Variants in ADCY2 observed in about 807,000 individuals in gnomAD.
The protein encoded by ADCY2 is adenylate cyclase type 2.
A neutral mutation model predicts 125.2 loss-of-function variants in ADCY2; 31 were observed. The ratio of observed to expected loss-of-function variants is 0.25; its 90% confidence interval spans 0.19 to 0.33. The LOEUF (loss-of-function observed/expected upper bound fraction) is 0.33, where lower values mean the gene tolerates loss of function less well. ADCY2 is among the 10% of genes least tolerant of loss of function. The pLI is 1.00. For missense variants in ADCY2, 904 were observed against 1,418.2 expected (o/e 0.64, Z 5.82); for synonymous variants, 512 against 548.4 (o/e 0.93, Z 0.93).
intron 13 of ADCY2, among the ~76,000 whole-genome samples, chr5:7,725,684 A>G (rs1741908863): frequency 6.6e-6 from 1 of 152,200 alleles, no homozygotes. Context: ...TTAATACCAC[A>G]AAGAAATTCC....
At chr5:7,779,378 A>C (rs977547028) in intron 18 of ADCY2, among the ~76,000 whole-genome samples, 5 of 152,216 alleles carry the variant, frequency 3.3e-5, no homozygotes, top group Non-Finnish European at 7.3e-5. Context: ...CATAGACTCC[A>C]TAGAATGTGC....
chr5:7,722,193 C>T (rs1437203944), intron 12 of ADCY2, among the ~76,000 whole-genome samples: 2 of 152,146 alleles, frequency 1.3e-5, no homozygotes, highest in Admixed American at 6.5e-5. Flanking sequence ...CACGAAGCAC[C>T]ACATGGGTTC....
At chr5:7,502,089 G>C (rs1743614857) in intron 2 of ADCY2, among the ~76,000 whole-genome samples, 1 of 152,094 alleles carries the variant, frequency 6.6e-6, no homozygotes, top group African/African-American at 2.4e-5. Flanking sequence ...CCACTCTCTG[G>C]TCCTGATGTG....
intron 2 of ADCY2, among the ~76,000 whole-genome samples, chr5:7,433,432 A>G (rs1054482722): frequency 3.3e-5 from 5 of 151,134 alleles, no homozygotes; most frequent in Admixed American, 2.0e-4. Flanking sequence ...GTGTGTGTGC[A>G]CACACACATA....
In ADCY2 at chr5:7,784,469, A is replaced by G. The variant is rs762538985; in HGVS notation, c.2469+20A>G. ...AGACAGGTAAGAAGTCTGTTTATAT[A>G]TATGTATGTATACCTTCTCTAAAGT... On this transcript the variant is annotated intron_variant, in intron 19 of 24. Transcript: ENST00000338316. 5 of 1,552,826 alleles carry G rather than the reference A, an allele frequency of 3.2e-6. No homozygotes were observed. The highest frequency in any genetic ancestry group is 4.4e-6 in the Non-Finnish European group (5 of 1,125,304).
chr5:7,479,170 T>C (rs1224291162), intron 2 of ADCY2, among the ~76,000 whole-genome samples: 1 of 152,026 alleles, frequency 6.6e-6, no homozygotes, highest in Non-Finnish European at 1.5e-5. Flanking sequence ...GGGGTTAAAA[T>C]CCAGCATGAG....
At chr5:7,431,989 C>G (rs1740618595) in intron 2 of ADCY2, among the ~76,000 whole-genome samples, 1 of 152,010 alleles carries the variant, frequency 6.6e-6, no homozygotes, top group Non-Finnish European at 1.5e-5. Context: ...ATGACCACCC[C>G]ACCCCTATCC....
chr5:7,645,513 A>C (rs543850435), intron 4 of ADCY2, among the ~76,000 whole-genome samples: 1 of 152,150 alleles, frequency 6.6e-6, no homozygotes, highest in Admixed American at 6.5e-5. Flanking sequence ...CAATGAGACA[A>C]TGTCCAGTGT....
At chr5:7,633,923 T>C (rs182341740) in intron 4 of ADCY2, among the ~76,000 whole-genome samples, 5 of 152,308 alleles carry the variant, frequency 3.3e-5, no homozygotes, top group Admixed American at 1.3e-4. Context: ...AGTTAAAAGA[T>C]TCAAGACAAT....
rs555303205 is a variant in ADCY2 at position 7,606,176 on chromosome 5, A to G, written c.571-19991A>G. 2.0e-5 allele frequency among the ~76,000 whole-genome samples: 3 copies of G among 152,264 alleles called. No homozygotes were observed. The East Asian group carries it at 5.8e-4, about 29-fold the overall frequency. ...ATCTGGGTGTTGTTTACGTGGATTT[A>G]TTCACTTAAAGATTTATCAAGCCAG... On this transcript the variant is annotated intron_variant, in intron 3 of 24. Transcript: ENST00000338316.
At chr5:7,415,154 T>C (rs1309668514) in intron 2 of ADCY2, among the ~76,000 whole-genome samples, 2 of 152,196 alleles carry the variant, frequency 1.3e-5, no homozygotes, top group East Asian at 3.8e-4. Flanking sequence ...ATCTACTCTT[T>C]AAGCAATTTT....
chr5:7,729,493 C>T (rs1245442200), intron 14 of ADCY2, among the ~76,000 whole-genome samples: 1 of 151,478 alleles, frequency 6.6e-6, no homozygotes, highest in Non-Finnish European at 1.5e-5. Flanking sequence ...AATTGATGTG[C>T]GTGGACCCAC....
intron 23 of ADCY2, among the ~76,000 whole-genome samples, 183 bp downstream of exon 23, chr5:7,817,163 G>A (rs1387643899): frequency 5.3e-5 from 8 of 151,940 alleles, no homozygotes; most frequent in Non-Finnish European, 1.2e-4. Context: ...AAAACCCTTT[G>A]ATTGGACCTA....
intron 2 of ADCY2, among the ~76,000 whole-genome samples, chr5:7,458,216 T>C (rs1334095954): frequency 2.0e-5 from 3 of 152,090 alleles, no homozygotes; most frequent in South Asian, 2.1e-4. Context: ...GTGGGAAAAA[T>C]ATATTCTTAA....
intron 12 of ADCY2, among the ~76,000 whole-genome samples, chr5:7,720,122 G>A (rs1741711013): frequency 6.6e-6 from 1 of 152,150 alleles, no homozygotes; most frequent in South Asian, 2.1e-4. Context: ...CAGGAAAAAT[G>A]TCAGGAGGCC....
chr5:7,767,214 TC>T (rs1404837723), intron 17 of ADCY2, among the ~76,000 whole-genome samples: 1 of 152,208 alleles, frequency 6.6e-6, no homozygotes, highest in African/African-American at 2.4e-5. Flanking sequence ...CATCTCATTA[TC>T]TTCCCTCTTC....
At chr5:7,445,789 A>AT (rs972697935) in intron 2 of ADCY2, among the ~76,000 whole-genome samples, 1 of 151,764 alleles carries the variant, frequency 6.6e-6, no homozygotes, top group Non-Finnish European at 1.5e-5. Context: ...TTTTTTTCAT[A>AT]TTTTTGTTTT....
chr5:7,601,843 T>A (rs1289351803), intron 3 of ADCY2, among the ~76,000 whole-genome samples: 1 of 152,208 alleles, frequency 6.6e-6, no homozygotes, highest in Non-Finnish European at 1.5e-5. Context: ...CTAGGGCTGC[T>A]GTAATACATT....
intron 4 of ADCY2, among the ~76,000 whole-genome samples, chr5:7,633,500 A>G (rs1738395083): frequency 6.6e-6 from 1 of 152,106 alleles, no homozygotes; most frequent in African/African-American, 2.4e-5. Context: ...ATAAAAAAGA[A>G]TTATAGCAAT....
Sources: gnomAD v4.1 joint callset for allele counts (sites outside exome capture counted in the v4.1 genomes callset) on GRCh38, gnomAD v4.1.1 for gene constraint, MANE v1.5 for transcripts, NCBI Gene and HGNC (gene_info 2026-07-23, HGNC 2026-07-21) for gene names.